The following EMSY variants were observed in gnomAD, a reference collection of about 807,000 sequenced individuals.
EMSY encodes the protein EMSY transcriptional repressor, BRCA2 interacting.
EMSY carries 26 observed loss-of-function variants against 134.6 expected under a neutral mutation model. The ratio of observed to expected loss-of-function variants is 0.19; its 90% CI spans 0.14 to 0.27. The LOEUF (loss-of-function observed/expected upper bound fraction) is 0.27, where lower values mean the gene tolerates loss of function less well. Ranked by LOEUF, EMSY falls within the 10% of genes least tolerant of loss-of-function variation. EMSY has a pLI of 1.00. For synonymous variants in EMSY, 579 were observed against 577.8 expected (o/e 1.00, Z -0.03); for missense variants, 1,305 against 1,611.4 (o/e 0.81, Z 3.26).
intron 9 of EMSY, among the ~76,000 whole-genome samples, chr11:76,505,255 G>A (rs554207983): frequency 4.6e-5 from 7 of 152,004 alleles, no homozygotes; most frequent in South Asian, 2.1e-4. Flanking sequence ...AGGCCAAGGC[G>A]GGCGGTCTTG....
chr11:76,472,986 T>G, intron 8 of EMSY, 146 bp downstream of exon 9: 2 of 799,240 alleles, frequency 2.5e-6, no homozygotes, highest in South Asian at 3.8e-5. Flanking sequence ...AGTTTGAGAA[T>G]GTCAAGATGG....
intron 8 of EMSY, among the ~76,000 whole-genome samples, chr11:76,495,131 T>C (rs1277239105): frequency 6.6e-6 from 1 of 152,246 alleles, no homozygotes; most frequent in East Asian, 1.9e-4. Flanking sequence ...CAAGTGAGGA[T>C]GCTGAGGTCT....
At chr11:76,450,178 G>A (rs987994186) in intron 2 of EMSY, among the ~76,000 whole-genome samples, 6 of 151,546 alleles carry the variant, frequency 4.0e-5, no homozygotes, top group African/African-American at 1.5e-4. Context: ...CAGGATTAGC[G>A]CACCATTTGG....
intron 11 of EMSY, among the ~76,000 whole-genome samples, chr11:76,520,134 A>G (rs1159100703): frequency 6.6e-6 from 1 of 152,110 alleles, no homozygotes; most frequent in Non-Finnish European, 1.5e-5. Context: ...GAATTTCAGA[A>G]ATTTATAATT....
chr11:76,480,153 G>C (rs747148349), intron 8 of EMSY, among the ~76,000 whole-genome samples: 2 of 152,194 alleles, frequency 1.3e-5, no homozygotes, highest in Admixed American at 1.3e-4. Context: ...CACTGTTTTG[G>C]TGTTAATGCC....
At chr11:76,454,636 T>C (rs1350737914) in intron 4 of EMSY, 113 bp from the exon 5 acceptor site, 7 of 616,988 alleles carry the variant, frequency 1.1e-5, no homozygotes, top group Non-Finnish European at 1.9e-5. Flanking sequence ...AAATTAGTAT[T>C]GTAGAAGCAT....
intron 15 of EMSY, among the ~76,000 whole-genome samples, chr11:76,537,284 A>C (rs186067582): frequency 5.9e-5 from 9 of 152,316 alleles, no homozygotes; most frequent in Non-Finnish European, 1.0e-4. Flanking sequence ...TAACAATGAA[A>C]ATTTTTATTC....
chr11:76,497,869 T>A (rs1949714303), intron 9 of EMSY, among the ~76,000 whole-genome samples: 1 of 152,178 alleles, frequency 6.6e-6, no homozygotes, highest in South Asian at 2.1e-4. Flanking sequence ...TCTTTAGGTT[T>A]ATTTTGCTCT....
At chr11:76,524,344 C>A (rs1477614263) in intron 12 of EMSY, among the ~76,000 whole-genome samples, 1 of 152,110 alleles carries the variant, frequency 6.6e-6, no homozygotes, top group Non-Finnish European at 1.5e-5. Flanking sequence ...TTGGTACTTA[C>A]CTGTTTAGGC....
intron 2 of EMSY, among the ~76,000 whole-genome samples, chr11:76,450,317 C>T (rs568018676): frequency 5.3e-5 from 8 of 152,038 alleles, no homozygotes; most frequent in Admixed American, 2.0e-4. Context: ...ATTCTGGGTC[C>T]GATAAAAGCT....
chr11:76,509,257 C>T (rs1451917356), intron 9 of EMSY, among the ~76,000 whole-genome samples: 2 of 152,056 alleles, frequency 1.3e-5, no homozygotes, highest in Admixed American at 1.3e-4. Context: ...CTTTGGGAGG[C>T]CAAGGAGTGC....
At chr11:76,505,729 C>A (rs1378365014) in intron 9 of EMSY, among the ~76,000 whole-genome samples, 1 of 151,798 alleles carries the variant, frequency 6.6e-6, no homozygotes, top group Admixed American at 6.6e-5. Context: ...TGGTGGCAGG[C>A]GCCTGTAGTC....
At chr11:76,549,723 A>G (rs1437509123) in intron 20 of EMSY, among the ~76,000 whole-genome samples, 1 of 152,126 alleles carries the variant, frequency 6.6e-6, no homozygotes, top group Non-Finnish European at 1.5e-5. Flanking sequence ...TCATTTGTAA[A>G]TGGGAATAAT....
At chr11:76,539,726 T>G (rs914816202) in intron 17 of EMSY, 86 bp downstream of exon 18, 18 of 1,254,498 alleles carry the variant, frequency 1.4e-5, no homozygotes, top group Non-Finnish European at 1.9e-5. Flanking sequence ...TGCGCTCTAC[T>G]CTCATCTGGT....
At position 76,502,287 on chromosome 11, in the gene EMSY, C is replaced by CAAAAAAAAAAAAAAAAAAAAAAAAAAA. The variant is rs34882734; in HGVS notation, c.1363+5842_1363+5843insAAAAAAAAAAAAAAAAAAAAAAAAAAA. Among the ~76,000 whole-genome samples the CAAAAAAAAAAAAAAAAAAAAAAAAAAA allele has an allele frequency of 2.3e-4, 2 of 8,536 alleles. 1 individual carries two copies. The highest frequency in any genetic ancestry group is 4.9e-4 in the Non-Finnish European group (2 of 4,114). 5.6% of individuals were successfully genotyped at this position (8,536 alleles called of 152,430 possible). On this transcript the variant is annotated intron_variant, in intron 9 of 20. Coordinates refer to ENST00000334736, the Ensembl canonical transcript of EMSY. Reference sequence around the variant, plus strand: ...AGAGGCTCAAGTAAGAGAAAATGGGCAAAAAAAAAAAAAAAAAAAAAAAAG... The same window carrying CAAAAAAAAAAAAAAAAAAAAAAAAAAA: ...AGAGGCTCAAGTAAGAGAAAATGGGCAAAAAAAAAAAAAAAAAAAAAAAAAAAAAAAAAAAAAAAAAAAAAAAAAAAG...
chr11:76,516,622 C>T (rs551886415), intron 11 of EMSY: 1 of 189,236 alleles, frequency 5.3e-6, no homozygotes, highest in South Asian at 1.1e-4. Flanking sequence ...TCAACCTATT[C>T]AGACCCCATA....
At chr11:76,530,349 C>T (rs904323543) in intron 14 of EMSY, among the ~76,000 whole-genome samples, 9 of 151,806 alleles carry the variant, frequency 5.9e-5, no homozygotes, top group Non-Finnish European at 8.8e-5. Flanking sequence ...TTAGTAGCGA[C>T]GGGGTTTCAT....
At chr11:76,513,275 C>A in intron 9 of EMSY, 111 bp from the exon 11 acceptor site, 4 of 941,108 alleles carry the variant, frequency 4.3e-6, no homozygotes, top group Non-Finnish European at 5.8e-6. Context: ...AAAAAAACTT[C>A]TCTTTAGACA....
intron 8 of EMSY, 147 bp from the exon 10 acceptor site, chr11:76,496,067 AT>A: frequency 1.3e-6 from 1 of 790,096 alleles, no homozygotes; most frequent in Non-Finnish European, 1.9e-6. Context: ...GGTGCCACAC[AT>A]TTTATCTGAC....
Sources: allele counts gnomAD v4.1 joint callset (sites outside exome capture counted in the v4.1 genomes callset), GRCh38; gene constraint gnomAD v4.1.1; transcripts MANE v1.5; gene names NCBI Gene and HGNC (gene_info 2026-07-23, HGNC 2026-07-21).